The following DOCK9 variants were observed in gnomAD, a reference collection of about 807,000 sequenced individuals.
DOCK9 encodes the protein dedicator of cytokinesis 9.
Under a neutral mutation model 263.3 loss-of-function variants are expected in DOCK9, and 89 were observed. That is an observed-to-expected ratio of 0.34 (90% CI 0.28 to 0.40). DOCK9 has a LOEUF of 0.40. Ranked by LOEUF, DOCK9 falls within the 10% of genes least tolerant of loss-of-function variation. DOCK9 has a pLI of 1.00. For synonymous variants in DOCK9, 976 were observed against 973.1 expected (o/e 1.00, Z -0.06); for missense variants, 2,140 against 2,603.4 (o/e 0.82, Z 3.87).
rs1283180699 is a variant in DOCK9 at position 98,809,823 on chromosome 13, G to A, written c.5253+346C>T. 1.3e-4 allele frequency among the ~76,000 whole-genome samples: 20 copies of A among 152,318 alleles called. No individual in the cohort carries two copies. In the East Asian group the frequency reaches 3.3e-3, roughly 25 times the overall value. On this transcript the variant is annotated intron_variant, in intron 46 of 52. Coordinates refer to ENST00000682017, the MANE Select transcript of DOCK9 (RefSeq NM_001366683.2). ...CCTCCCAAGCCCAGGATGGACGGAA[G>A]GGACACCATTTTTTCACGCAGGTGG...
At chr13:98,912,197 A>G (rs1235869858) in intron 9 of DOCK9, among the ~76,000 whole-genome samples, 1 of 152,168 alleles carries the variant, frequency 6.6e-6, no homozygotes, top group Non-Finnish European at 1.5e-5. Flanking sequence ...AAAGTGAATC[A>G]CATGTTTAGC....
intron 2 of DOCK9, among the ~76,000 whole-genome samples, chr13:98,932,144 A>G (rs1431120496): frequency 6.6e-6 from 1 of 151,102 alleles, no homozygotes; most frequent in African/African-American, 2.4e-5. Flanking sequence ...TGTAATCCCA[A>G]TACTTTGGGA....
intron 1 of DOCK9, among the ~76,000 whole-genome samples, chr13:99,002,726 A>C (rs561376302): frequency 6.6e-6 from 1 of 152,190 alleles, no homozygotes; most frequent in African/African-American, 2.4e-5. Flanking sequence ...CACTGTCCTG[A>C]CTTCACCTTT....
At chr13:98,896,494 A>C (rs1371845343) in intron 15 of DOCK9, among the ~76,000 whole-genome samples, 4 of 152,172 alleles carry the variant, frequency 2.6e-5, no homozygotes, top group South Asian at 4.1e-4. Flanking sequence ...ATGCACAAAA[A>C]AAAAAAAAAA....
intron 1 of DOCK9, among the ~76,000 whole-genome samples, chr13:99,086,021 G>A (rs1048428000): frequency 8.5e-5 from 13 of 152,212 alleles, no homozygotes; most frequent in African/African-American, 2.9e-4. Context: ...GGCGGGGAGG[G>A]GTCTGGGAGT....
chr13:98,843,784 C>G (rs1216557787), intron 38 of DOCK9, among the ~76,000 whole-genome samples: 2 of 152,196 alleles, frequency 1.3e-5, no homozygotes, highest in African/African-American at 2.4e-5. Context: ...GCAGCAGCAC[C>G]AGGCCAGCTG....
chr13:98,882,913 T>A, intron 23 of DOCK9, 129 bp downstream of exon 23: 1 of 714,050 alleles, frequency 1.4e-6, no homozygotes, highest in South Asian at 2.0e-5. Flanking sequence ...CTAAACCTCA[T>A]AGAAGCTACT....
At chr13:98,910,584 G>T (rs56029570) in intron 9 of DOCK9, among the ~76,000 whole-genome samples, 5,096 of 152,140 alleles carry the variant, frequency 0.033, 282 homozygotes, top group African/African-American at 0.12. Flanking sequence ...ACTTCCTGTC[G>T]GTCATATCCT....
intron 1 of DOCK9, among the ~76,000 whole-genome samples, chr13:99,084,476 G>A (rs754545570): frequency 2.0e-5 from 3 of 152,192 alleles, no homozygotes; most frequent in Non-Finnish European, 4.4e-5. Flanking sequence ...ATGCTTAAGG[G>A]TGTCCAGGGA....
chr13:98,868,694 G>A (rs573420051), intron 27 of DOCK9, among the ~76,000 whole-genome samples: 2 of 152,302 alleles, frequency 1.3e-5, no homozygotes, highest in South Asian at 4.2e-4. Flanking sequence ...GTCTGAGGCT[G>A]CAGTGAGCCA....
chr13:99,086,348 A>C (rs1206428940), exon 1 of DOCK9: 3 of 1,435,940 alleles, frequency 2.1e-6, no homozygotes, highest in Non-Finnish European at 2.7e-6. Flanking sequence ...GGCGGCTGCG[A>C]CATCCTCCTG....
intron 13 of DOCK9, 83 bp from the exon 14 acceptor site, chr13:98,898,344 C>A: frequency 1.0e-6 from 1 of 997,554 alleles, no homozygotes; most frequent in Non-Finnish European, 1.5e-6. Context: ...TACATGCTCA[C>A]TAAATAAGTC....
intron 2 of DOCK9, among the ~76,000 whole-genome samples, chr13:98,952,097 C>T (rs944948962): frequency 6.6e-6 from 1 of 151,550 alleles, no homozygotes; most frequent in Non-Finnish European, 1.5e-5. Context: ...GGGGTTTTGC[C>T]ATGTTGGCCA....
chr13:99,046,317 T>C (rs1287124559), intron 1 of DOCK9, among the ~76,000 whole-genome samples: 3 of 152,340 alleles, frequency 2.0e-5, no homozygotes, highest in African/African-American at 7.2e-5. Flanking sequence ...CCCTCCTGCT[T>C]TGAGTAGGAG....
At position 98,800,193 on chromosome 13, in the gene DOCK9, G is replaced by A. The variant is rs1448775040; in HGVS notation, c.5916+95C>T. 6 of 1,293,760 alleles carry A rather than the reference G, an allele frequency of 4.6e-6. No homozygotes were observed. The Admixed American group carries it at 7.9e-5, about 17-fold the overall frequency. 80.1% of individuals were successfully genotyped at this position (1,293,760 alleles called of 1,614,324 possible). A position where few individuals can be genotyped will look rare whatever the true frequency, so the allele number is the denominator to read the frequency against. On this transcript the variant is annotated intron_variant, in intron 50 of 52. Transcript: ENST00000682017. ...AGCAGGGATCACTTGGTAAACCGAG[G>A]CTCTCAAGTAGACCTTGTTAGTGGA...
Position 98,922,057 on chromosome 13 carries a change from G to A in DOCK9, c.576C>T (p.Thr192=). ...KGNMNSAISV[T]MRSFKRRFFH... The stretch of plus-strand genomic sequence containing the variant: ...AAGTGATGTGCGTCCTCACCCTCAT[G>A]GTCACGCTGATGGCACTGTTCATGT... The change falls in exon 6 of 53, where the codon ACC becomes ACT. Residue 192 remains threonine (T), a synonymous_variant. Coordinates refer to ENST00000682017, the MANE Select transcript of DOCK9 (RefSeq NM_001366683.2). 6.3e-7 allele frequency: 1 copy of A among 1,595,098 alleles called. No homozygotes were observed. Among genetic ancestry groups the A allele is most frequent in the Non-Finnish European group, 8.5e-7 (1 of 1,171,142 alleles).
At chr13:98,956,901 C>T (rs1324706241) in intron 1 of DOCK9, among the ~76,000 whole-genome samples, 1 of 152,100 alleles carries the variant, frequency 6.6e-6, no homozygotes, top group Non-Finnish European at 1.5e-5. Flanking sequence ...AAGGATATTT[C>T]GTATGTGGCA....
chr13:98,842,217 GCATGCTTA>G (rs1277387850), intron 38 of DOCK9, among the ~76,000 whole-genome samples: 1 of 152,140 alleles, frequency 6.6e-6, no homozygotes, highest in Non-Finnish European at 1.5e-5. Context: ...ACTCCTCATG[GCATGCTTA>G]AGTGACCTGG....
intron 11 of DOCK9, among the ~76,000 whole-genome samples, 164 bp downstream of exon 11, chr13:98,902,808 G>A (rs188597754): frequency 4.6e-5 from 7 of 152,156 alleles, no homozygotes; most frequent in African/African-American, 1.7e-4. Context: ...CTTCCATCAC[G>A]AACATCCTGT....
Sources: gnomAD v4.1 joint callset for allele counts (sites outside exome capture counted in the v4.1 genomes callset) on GRCh38, gnomAD v4.1.1 for gene constraint, MANE v1.5 for transcripts, NCBI Gene and HGNC (gene_info 2026-07-23, HGNC 2026-07-21) for gene names.